CA1: variants seen among roughly 807,000 people sequenced by gnomAD.
CA1 encodes carbonate dehydratase I.
In CA1, 27 loss-of-function variants were observed where a neutral mutation model predicts 28.8. The ratio of observed to expected loss-of-function variants is 0.94; its 90% confidence interval spans 0.69 to 1.29. The LOEUF (loss-of-function observed/expected upper bound fraction) is 1.29, where lower values mean the gene tolerates loss of function less well. Ranked by LOEUF, CA1 falls within the 50% of genes most tolerant of loss-of-function variation. The pLI, the probability that CA1 is intolerant of heterozygous loss-of-function variation, is 0.00. For synonymous variants in CA1, 121 were observed against 108.8 expected (o/e 1.11, Z -0.70); for missense variants, 335 against 310.5 (o/e 1.08, Z -0.59).
intron 7 of CA1, 140 bp downstream of exon 7, chr8:85,329,549 C>G: frequency 2.5e-6 from 2 of 815,006 alleles, no homozygotes; most frequent in South Asian, 2.9e-5. Context: ...ACCTATGTCC[C>G]CAAATTAATA....
At chr8:85,362,181 A>C (rs1490535184) in intron 1 of CA1, among the ~76,000 whole-genome samples, 4 of 152,112 alleles carry the variant, frequency 2.6e-5, no homozygotes, top group Admixed American at 6.6e-5. Context: ...CTCCATCCTC[A>C]AAGCGAGCAG....
chr8:85,337,097 GC>G (rs1564023585), intron 3 of CA1, 34 bp from the exon 4 acceptor site: 5 of 1,147,816 alleles, frequency 4.4e-6, no homozygotes, highest in Admixed American at 3.4e-5. Context: ...TTAGCCTGAT[GC>G]TCCACAAACT....
At chr8:85,335,159 T>A (rs946440823) in intron 4 of CA1, among the ~76,000 whole-genome samples, 6 of 152,102 alleles carry the variant, frequency 3.9e-5, no homozygotes, top group African/African-American at 1.4e-4. Flanking sequence ...TCCCTACTTG[T>A]AATTAATTAT....
intron 1 of CA1, among the ~76,000 whole-genome samples, chr8:85,375,499 GT>G (rs1356793142): frequency 7.0e-6 from 1 of 143,732 alleles, no homozygotes; most frequent in Non-Finnish European, 1.5e-5. Context: ...TAAAATACCT[GT>G]TTTTTTCCTT....
chr8:85,372,197 A>C (rs775202971), intron 1 of CA1, among the ~76,000 whole-genome samples: 2 of 152,174 alleles, frequency 1.3e-5, no homozygotes, highest in Non-Finnish European at 2.9e-5. Flanking sequence ...TAAAGTTCAG[A>C]CGCGAGCACA....
At chr8:85,348,148 C>G (rs886081945) in intron 1 of CA1, among the ~76,000 whole-genome samples, 14 of 152,286 alleles carry the variant, frequency 9.2e-5, no homozygotes, top group Admixed American at 7.2e-4. Flanking sequence ...CTTCAACAGC[C>G]ACTTCAAAAA....
At chr8:85,334,603 C>T (rs1044355513) in intron 4 of CA1, among the ~76,000 whole-genome samples, 1 of 151,600 alleles carries the variant, frequency 6.6e-6, no homozygotes, top group Admixed American at 6.6e-5. Flanking sequence ...TCCCTCCCTC[C>T]CTTCCTTCCT....
rs1335537877 is a variant in CA1 at position 85,338,382 on chromosome 8, T to G, written c.105A>C (p.Lys35Asn). ...AGGTGTCATGTTTGGTTTCACTGGT[T>G]TTAATATCAACAGGGGACTGGTTAT... ...NGNNQSPVDI[K>N]TSETKHDTSL... Residue 35 changes from lysine (K) to asparagine (N), a missense_variant, in exon 3 of 8, where the codon AAA (lysine) becomes AAC (asparagine). Lys to Asn is a moderately conservative substitution (Grantham distance 94). Coordinates refer to ENST00000523022, the MANE Select transcript of CA1 (RefSeq NM_001128831.4). 3 of 1,613,916 alleles carry G rather than the reference T, an allele frequency of 1.9e-6. No homozygotes were observed. The highest frequency in any genetic ancestry group is 2.5e-6 in the Non-Finnish European group (3 of 1,179,950).
At chr8:85,341,007 T>A (rs952306324) in intron 2 of CA1, 1 of 152,860 alleles carries the variant, frequency 6.5e-6, no homozygotes, top group African/African-American at 2.4e-5. Flanking sequence ...TAGCTAGGCG[T>A]GGTGGTGGGC....
intron 6 of CA1, among the ~76,000 whole-genome samples, chr8:85,331,604 G>A (rs1808405790): frequency 6.6e-6 from 1 of 151,796 alleles, no homozygotes; most frequent in Non-Finnish European, 1.5e-5. Flanking sequence ...CTACATGTGT[G>A]CGCCACCACG....
intron 1 of CA1, among the ~76,000 whole-genome samples, chr8:85,361,412 C>A (rs1007155635): frequency 2.0e-5 from 3 of 152,166 alleles, no homozygotes; most frequent in Non-Finnish European, 4.4e-5. Flanking sequence ...CACCATGGCT[C>A]ACACCTGTAA....
At chr8:85,353,469 CTG>C (rs1253676819) in intron 1 of CA1, among the ~76,000 whole-genome samples, 2 of 152,186 alleles carry the variant, frequency 1.3e-5, no homozygotes, top group East Asian at 3.8e-4. Flanking sequence ...ATGGGTATAA[CTG>C]CACGTATTAT....
intron 1 of CA1, among the ~76,000 whole-genome samples, chr8:85,376,666 TAAATAAATA>T (rs2130427808): frequency 7.7e-6 from 1 of 129,394 alleles, no homozygotes; most frequent in South Asian, 2.4e-4. Flanking sequence ...CAAAAATAAA[TAAATAAATA>T]AATAAATAAA....
chr8:85,337,733 A>G (rs1050638634), intron 3 of CA1, among the ~76,000 whole-genome samples: 4 of 152,192 alleles, frequency 2.6e-5, no homozygotes, highest in African/African-American at 9.7e-5. Flanking sequence ...AGCATTTTAA[A>G]TCAGTAGAAC....
At chr8:85,363,955 A>G (rs886434583) in intron 1 of CA1, among the ~76,000 whole-genome samples, 5 of 152,084 alleles carry the variant, frequency 3.3e-5, no homozygotes, top group African/African-American at 1.2e-4. Context: ...AAGCAGGACT[A>G]TATGTTGTCC....
intron 2 of CA1, among the ~76,000 whole-genome samples, chr8:85,339,675 G>A (rs961073684): frequency 2.0e-5 from 3 of 152,228 alleles, no homozygotes; most frequent in Non-Finnish European, 4.4e-5. Flanking sequence ...TCTTGTGCCA[G>A]TTAGTCAAGC....
intron 5 of CA1, among the ~76,000 whole-genome samples, 161 bp from the exon 6 acceptor site, chr8:85,332,713 C>T (rs1334784556): frequency 1.3e-5 from 2 of 152,044 alleles, no homozygotes; most frequent in East Asian, 3.9e-4. Flanking sequence ...TCTTTGAGGG[C>T]CTTTGTACTC....
At chr8:85,362,914 T>C (rs1809854576) in intron 1 of CA1, among the ~76,000 whole-genome samples, 1 of 152,152 alleles carries the variant, frequency 6.6e-6, no homozygotes, top group South Asian at 2.1e-4. Flanking sequence ...AAACTAAAGA[T>C]GTGTAGTTTG....
chr8:85,346,491 G>A (rs1790253191), intron 1 of CA1, among the ~76,000 whole-genome samples: 1 of 152,122 alleles, frequency 6.6e-6, no homozygotes, highest in Non-Finnish European at 1.5e-5. Context: ...GCTAGGCATG[G>A]TGGCTCATGC....
Sources: gnomAD v4.1 joint callset for allele counts (sites outside exome capture counted in the v4.1 genomes callset) on GRCh38, gnomAD v4.1.1 for gene constraint, MANE v1.5 for transcripts, NCBI Gene and HGNC (gene_info 2026-07-23, HGNC 2026-07-21) for gene names.